Variants in ACTR3C observed in about 807,000 individuals in gnomAD.
ACTR3C encodes the protein actin-related protein 3C.
ACTR3C carries 18 observed loss-of-function variants against 26.3 expected under a neutral mutation model. The observed-to-expected ratio is 0.68, with a 90% CI of 0.47 to 1.01. ACTR3C has a LOEUF of 1.01. ACTR3C is among the 50% of genes least tolerant of loss of function. The pLI is 0.00. For missense variants in ACTR3C, 184 were observed against 250.7 expected (o/e 0.73, Z 1.80); for synonymous variants, 55 against 94.5 (o/e 0.58, Z 2.42).
At chr7:150,074,546 C>T in the ACTR3C span, among the ~76,000 whole-genome samples, 1 of 150,916 alleles carries the variant, frequency 6.6e-6, no homozygotes, top group Non-Finnish European at 1.5e-5. Context: ...CTCAGATCCT[C>T]ACACCACCCC....
chr7:150,063,887 CT>C, the ACTR3C span, among the ~76,000 whole-genome samples: 2 of 151,506 alleles, frequency 1.3e-5, no homozygotes, highest in Non-Finnish European at 2.9e-5. Flanking sequence ...TATGTCCCCC[CT>C]CCCTCTTCCT....
At chr7:150,028,690 A>G in the ACTR3C span, among the ~76,000 whole-genome samples, 1 of 151,922 alleles carries the variant, frequency 6.6e-6, no homozygotes, top group African/African-American at 2.4e-5. Context: ...CCCGGAAGAA[A>G]CCCCCACACT....
the ACTR3C span, among the ~76,000 whole-genome samples, chr7:149,883,923 C>T: frequency 3.2e-3 from 490 of 151,822 alleles, 3 homozygotes; most frequent in African/African-American, 0.011. Context: ...CGAACTGTTT[C>T]GTACCTCAGC....
At chr7:150,041,620 G>A in the ACTR3C span, among the ~76,000 whole-genome samples, 30 of 114,092 alleles carry the variant, frequency 2.6e-4, no homozygotes, top group African/African-American at 3.4e-4. Context: ...CTCAGTCCCT[G>A]CCTCGCGGGG....
At chr7:150,022,490 T>A in the ACTR3C span, among the ~76,000 whole-genome samples, 1 of 151,804 alleles carries the variant, frequency 6.6e-6, no homozygotes, top group African/African-American at 2.4e-5. Flanking sequence ...ATACCAATCA[T>A]AAACTGAGCT....
the ACTR3C span, among the ~76,000 whole-genome samples, chr7:150,075,846 C>T: frequency 1.1e-3 from 170 of 152,126 alleles, no homozygotes; most frequent in African/African-American, 3.7e-3. Context: ...TGGTACCTGG[C>T]GAGAAAAGTA....
the ACTR3C span, among the ~76,000 whole-genome samples, chr7:149,903,903 G>GTT: frequency 6.0e-5 from 3 of 49,600 alleles, no homozygotes; most frequent in South Asian, 1.4e-3. Context: ...TGTTGTTGCT[G>GTT]GTTGTTGTTG....
the ACTR3C span, among the ~76,000 whole-genome samples, chr7:149,940,818 G>T: frequency 6.7e-6 from 1 of 149,996 alleles, no homozygotes; most frequent in African/African-American, 2.4e-5. Context: ...GCATGGGGCG[G>T]GTGGGTAGAG....
chr7:149,988,443 G>A, the ACTR3C span, among the ~76,000 whole-genome samples: 1 of 152,174 alleles, frequency 6.6e-6, no homozygotes, highest in African/African-American at 2.4e-5. Context: ...CTTGCAACCA[G>A]CAGATGATCC....
the ACTR3C span, among the ~76,000 whole-genome samples, chr7:150,039,610 T>C: frequency 1.8e-4 from 25 of 139,604 alleles, no homozygotes; most frequent in Admixed American, 9.2e-4. Context: ...GTCGGAAGAT[T>C]TGAACTTTCT....
At chr7:149,962,883 G>A in the ACTR3C span, among the ~76,000 whole-genome samples, 1 of 152,180 alleles carries the variant, frequency 6.6e-6, no homozygotes, top group Non-Finnish European at 1.5e-5. Flanking sequence ...GGGAGGAAGT[G>A]TTCTCAATCT....
the ACTR3C span, among the ~76,000 whole-genome samples, chr7:150,131,998 T>C: frequency 6.6e-6 from 1 of 152,318 alleles, no homozygotes; most frequent in East Asian, 1.9e-4. Flanking sequence ...GAATGATAGT[T>C]GCGGGGAATG....
chr7:150,193,086 C>T, the ACTR3C span, among the ~76,000 whole-genome samples: 1 of 152,306 alleles, frequency 6.6e-6, no homozygotes, highest in South Asian at 2.1e-4. Context: ...ACCCACTTTG[C>T]TGATGTGTCT....
At chr7:150,177,347 C>A in the ACTR3C span, among the ~76,000 whole-genome samples, 1 of 149,912 alleles carries the variant, frequency 6.7e-6, no homozygotes, top group Admixed American at 6.6e-5. Flanking sequence ...TACCATAGAT[C>A]CAGTTGACCT....
At chr7:149,958,008 T>C in the ACTR3C span, among the ~76,000 whole-genome samples, 1 of 152,222 alleles carries the variant, frequency 6.6e-6, no homozygotes, top group Admixed American at 6.5e-5. Flanking sequence ...CCTGAGTTGA[T>C]AAGGCAGATG....
chr7:149,895,255 A>C, the ACTR3C span, among the ~76,000 whole-genome samples: 1 of 151,268 alleles, frequency 6.6e-6, no homozygotes, highest in Middle Eastern at 3.4e-3. Context: ...CGGGGATGGG[A>C]AGGACAAGAT....
chr7:150,158,888 G>A, the ACTR3C span, among the ~76,000 whole-genome samples: 20 of 147,408 alleles, frequency 1.4e-4, no homozygotes, highest in Admixed American at 2.7e-4. Flanking sequence ...GCACACAGAC[G>A]CACAAGGCAC....
intron 6 of ACTR3C, among the ~76,000 whole-genome samples, chr7:150,284,439 A>T (rs1835597487): frequency 6.6e-6 from 1 of 152,094 alleles, no homozygotes; most frequent in African/African-American, 2.4e-5. Context: ...CCAGCTACTC[A>T]GGAGGCTGAG....
At chr7:150,038,896 C>CCTG in the ACTR3C span, among the ~76,000 whole-genome samples, 1 of 55,572 alleles carries the variant, frequency 1.8e-5, no homozygotes, top group Non-Finnish European at 4.1e-5. Context: ...TGCCTCCCCC[C>CCTG]TGCGATGGGG....
Sources: gnomAD v4.1 joint callset for allele counts (sites outside exome capture counted in the v4.1 genomes callset) on GRCh38, gnomAD v4.1.1 for gene constraint, MANE v1.5 for transcripts, NCBI Gene and HGNC (gene_info 2026-07-23, HGNC 2026-07-21) for gene names.